Variants in RARB observed in about 807,000 individuals in gnomAD.
RARB encodes retinoic acid receptor beta, also known as HBV-activated protein.
A neutral mutation model predicts 51.9 loss-of-function variants in RARB; 17 were observed. The ratio of observed to expected loss-of-function variants is 0.33; its 90% CI spans 0.22 to 0.49. The LOEUF (loss-of-function observed/expected upper bound fraction) is 0.49. Ranked by LOEUF, RARB falls within the 20% of genes least tolerant of loss-of-function variation. RARB has a pLI of 0.99. For synonymous variants in RARB, 215 were observed against 195.4 expected (o/e 1.10, Z -0.84); for missense variants, 369 against 550.8 (o/e 0.67, Z 3.30).
intron 5 of RARB, among the ~76,000 whole-genome samples, chr3:25,185,629 T>A (rs1193177816): frequency 8.5e-5 from 13 of 152,102 alleles, no homozygotes; most frequent in Non-Finnish European, 1.3e-4. Flanking sequence ...TCATTTTTTT[T>A]ATAATCAGAA....
At chr3:25,505,008 AC>A (rs1333137127) in intron 3 of RARB, among the ~76,000 whole-genome samples, 1 of 152,064 alleles carries the variant, frequency 6.6e-6, no homozygotes, top group Non-Finnish European at 1.5e-5. Flanking sequence ...TGAACTCCTG[AC>A]CTCAGGTGAC....
chr3:25,519,247 T>C (rs1466585019), intron 3 of RARB, among the ~76,000 whole-genome samples: 2 of 152,204 alleles, frequency 1.3e-5, no homozygotes, highest in Middle Eastern at 3.2e-3. Context: ...ACATGCTTTG[T>C]GGGAGGCATG....
At chr3:24,945,184 G>A (rs1354085512) in intron 2 of RARB, among the ~76,000 whole-genome samples, 1 of 152,008 alleles carries the variant, frequency 6.6e-6, no homozygotes, top group Non-Finnish European at 1.5e-5. Flanking sequence ...TGGTTTTATG[G>A]CCATAGTGCG....
chr3:24,990,093 C>T (rs1696878514), intron 2 of RARB, among the ~76,000 whole-genome samples: 1 of 98,834 alleles, frequency 1.0e-5, no homozygotes, highest in Non-Finnish European at 2.0e-5. Context: ...GCCACCGCGC[C>T]CTGCCTTTCT....
rs545709294 is a variant in RARB, at chr3:25,331,636, C to T, written c.179-129557C>T. On this transcript the variant is annotated intron_variant, in intron 5 of 11. Transcript: ENST00000383772. ...AAGAACTGAGAAGCAAGAGCAGACA[C>T]ATTCAAAAGCTAGCAGAAGGTAAGA... 3.9e-5 allele frequency among the ~76,000 whole-genome samples: 6 copies of T among 152,244 alleles called. No individual in the cohort carries two copies. The South Asian group carries it at 6.2e-4, about 16-fold the overall frequency.
intron 4 of RARB, among the ~76,000 whole-genome samples, chr3:25,171,388 C>G (rs1306749744): frequency 6.8e-6 from 1 of 147,786 alleles, no homozygotes; most frequent in African/African-American, 2.5e-5. Flanking sequence ...GACCCAGTGA[C>G]TGCTCAGACA....
chr3:25,339,663 C>T (rs921314607), intron 5 of RARB, among the ~76,000 whole-genome samples: 1 of 150,124 alleles, frequency 6.7e-6, no homozygotes. Flanking sequence ...TTAACACATA[C>T]ACCCACAAAG....
chr3:25,147,786 T>A (rs1700218417), intron 4 of RARB, among the ~76,000 whole-genome samples: 1 of 152,248 alleles, frequency 6.6e-6, no homozygotes, highest in Non-Finnish European at 1.5e-5. Context: ...GGGCTGGACA[T>A]GTGACATGGT....
At chr3:24,971,567 A>T (rs1696398676) in intron 2 of RARB, among the ~76,000 whole-genome samples, 1 of 152,048 alleles carries the variant, frequency 6.6e-6, no homozygotes, top group Non-Finnish European at 1.5e-5. Context: ...TAAATGCCAA[A>T]GCTAAGTTTT....
chr3:25,177,627 C>T (rs1221210577), intron 5 of RARB, among the ~76,000 whole-genome samples: 1 of 152,202 alleles, frequency 6.6e-6, no homozygotes, highest in Non-Finnish European at 1.5e-5. Context: ...CAAGTAAGAA[C>T]AATTTCCATA....
intron 5 of RARB, among the ~76,000 whole-genome samples, chr3:25,359,489 A>G (rs1705859798): frequency 6.6e-6 from 1 of 150,756 alleles, no homozygotes; most frequent in African/African-American, 2.4e-5. Flanking sequence ...TTCTGCTCTG[A>G]CTTTAGTTAT....
chr3:25,287,473 T>C (rs2125419685), intron 5 of RARB, among the ~76,000 whole-genome samples: 1 of 152,224 alleles, frequency 6.6e-6, no homozygotes, highest in African/African-American at 2.4e-5. Flanking sequence ...GGCCAGAGCT[T>C]AGGTCATTAG....
At chr3:24,988,680 T>G (rs1270035324) in intron 2 of RARB, among the ~76,000 whole-genome samples, 1 of 152,202 alleles carries the variant, frequency 6.6e-6, no homozygotes, top group Non-Finnish European at 1.5e-5. Context: ...TTTCAAAAAT[T>G]TAATATTATG....
intron 5 of RARB, among the ~76,000 whole-genome samples, chr3:25,222,675 A>C (rs374099264): frequency 1.7e-4 from 26 of 152,238 alleles, no homozygotes; most frequent in Admixed American, 6.5e-4. Flanking sequence ...TTCTGTTTAG[A>C]AACTTCACTT....
intron 2 of RARB, among the ~76,000 whole-genome samples, chr3:24,867,272 A>G (rs183154815): frequency 5.8e-4 from 88 of 152,282 alleles, no homozygotes; most frequent in East Asian, 1.9e-4. Flanking sequence ...ATTTAAAACT[A>G]TAAACTAAAT....
chr3:25,090,253 T>C (rs1699173067), intron 3 of RARB, among the ~76,000 whole-genome samples: 1 of 152,162 alleles, frequency 6.6e-6, no homozygotes, highest in African/African-American at 2.4e-5. Context: ...CATACTTCTT[T>C]TTTAAGTTCT....
intron 5 of RARB, among the ~76,000 whole-genome samples, chr3:25,287,629 G>A (rs79403729): frequency 0.015 from 2,257 of 152,238 alleles, 51 homozygotes; most frequent in African/African-American, 0.049. Flanking sequence ...GACTTCCTTT[G>A]TATGGGTTTC....
intron 2 of RARB, among the ~76,000 whole-genome samples, chr3:24,926,506 A>T (rs1296603299): frequency 6.6e-6 from 1 of 152,112 alleles, no homozygotes. Flanking sequence ...TAGTGCTAAA[A>T]TATCACCTGA....
At chr3:25,453,093 A>C (rs1361115917) in intron 1 of RARB, among the ~76,000 whole-genome samples, 2 of 152,226 alleles carry the variant, frequency 1.3e-5, no homozygotes, top group Non-Finnish European at 2.9e-5. Context: ...AAATTAACTC[A>C]GCAAAATGGG....
Sources: gnomAD v4.1 joint callset for allele counts (sites outside exome capture counted in the v4.1 genomes callset) on GRCh38, gnomAD v4.1.1 for gene constraint, MANE v1.5 for transcripts, NCBI Gene and HGNC (gene_info 2026-07-23, HGNC 2026-07-21) for gene names.